Variants in RGS8 observed in about 807,000 individuals in gnomAD.
RGS8 encodes regulator of G protein signaling 8.
Under a neutral mutation model 21.7 loss-of-function variants are expected in RGS8, and 8 were observed. The observed-to-expected ratio is 0.37, with a 90% confidence interval of 0.22 to 0.66. The LOEUF (loss-of-function observed/expected upper bound fraction) is 0.66. RGS8 is among the 30% of genes least tolerant of loss of function. The pLI, the probability that RGS8 is intolerant of heterozygous loss-of-function variation, is 0.59. For synonymous variants in RGS8, 80 were observed against 83.6 expected (o/e 0.96, Z 0.24); for missense variants, 157 against 217.9 (o/e 0.72, Z 1.76).
At chr1:182,750,693 T>G in the RGS8 span, among the ~76,000 whole-genome samples, 1 of 152,198 alleles carries the variant, frequency 6.6e-6, no homozygotes, top group Non-Finnish European at 1.5e-5. Flanking sequence ...CATAAATGCA[T>G]TGAATACCTT....
chr1:182,668,359 A>G (rs1157467093), intron 3 of RGS8, among the ~76,000 whole-genome samples: 1 of 152,208 alleles, frequency 6.6e-6, no homozygotes, highest in African/African-American at 2.4e-5. Context: ...GTCCTAGAAG[A>G]TGCCATTCTG....
the RGS8 span, among the ~76,000 whole-genome samples, chr1:182,739,845 C>G: frequency 6.6e-6 from 1 of 152,156 alleles, no homozygotes; most frequent in Non-Finnish European, 1.5e-5. Context: ...GACCAGAGAG[C>G]TCTGAGTCTT....
rs1664183263 is a variant in RGS8 at position 182,671,922 on chromosome 1, A to G, written c.-251T>C. ...TCTCTGCTTGTCACATCCAGTAAAT[A>G]CTGAAGCAGCCTACACCCAGCGGGC... On this transcript the variant is annotated 5_prime_UTR_variant, in exon 1 of 7. Coordinates refer to ENST00000483095, the Ensembl canonical transcript of RGS8. The G allele has an allele frequency of 2.1e-6, 3 of 1,447,804 alleles. No homozygotes were observed. In the South Asian group the frequency reaches 4.3e-5, roughly 21 times the overall value. The allele number at this position is 1,447,804 out of a possible 1,614,324, so 89.7% of individuals were successfully genotyped here.
chr1:182,745,116 T>C, the RGS8 span, among the ~76,000 whole-genome samples: 1 of 152,214 alleles, frequency 6.6e-6, no homozygotes, highest in African/African-American at 2.4e-5. Context: ...AAAGCTTCCT[T>C]TCAAGAATTT....
the RGS8 span, among the ~76,000 whole-genome samples, chr1:182,731,591 C>T: frequency 6.6e-6 from 1 of 152,218 alleles, no homozygotes; most frequent in African/African-American, 2.4e-5. Flanking sequence ...CAACTAATAT[C>T]ACATTACTTG....
At chr1:182,726,437 G>A in the RGS8 span, among the ~76,000 whole-genome samples, 180 of 152,266 alleles carry the variant, frequency 1.2e-3, no homozygotes, top group African/African-American at 3.9e-3. Context: ...TTGGGAGGCC[G>A]AGGTAGGCAA....
At chr1:182,736,694 T>C in the RGS8 span, among the ~76,000 whole-genome samples, 1 of 152,334 alleles carries the variant, frequency 6.6e-6, no homozygotes, top group South Asian at 2.1e-4. Context: ...TCCCCTACCA[T>C]GCAGTGTGCG....
the RGS8 span, among the ~76,000 whole-genome samples, chr1:182,720,879 GTA>G: frequency 1.1e-3 from 143 of 129,012 alleles, 3 homozygotes; most frequent in African/African-American, 3.0e-3. Context: ...ACACATATAT[GTA>G]TATATATACA....
At chr1:182,710,598 A>C in the RGS8 span, among the ~76,000 whole-genome samples, 1 of 152,152 alleles carries the variant, frequency 6.6e-6, no homozygotes, top group South Asian at 2.1e-4. Flanking sequence ...AAGGCAAACA[A>C]AACAAAAGGC....
At chr1:182,673,893 T>A (rs602956), upstream of RGS8, among the ~76,000 whole-genome samples, 9,338 of 152,264 alleles carry the variant, frequency 0.061, 456 homozygotes, top group East Asian at 0.12. Flanking sequence ...ATAGCTAATG[T>A]TTAATGAGCA....
chr1:182,722,851 G>A, the RGS8 span, among the ~76,000 whole-genome samples: 2 of 151,964 alleles, frequency 1.3e-5, no homozygotes, highest in African/African-American at 2.4e-5. Flanking sequence ...GGTTGCGGGC[G>A]CCTGTAGTCC....
rs77857573 is a variant in RGS8, at chr1:182,663,947, C to T, written c.193+2022G>A. 7.6e-3 allele frequency among the ~76,000 whole-genome samples: 1,159 copies of T among 152,298 alleles called. 19 individuals are homozygous for T. The highest frequency in any genetic ancestry group is 0.027 in the African/African-American group (1,109 of 41,566). ...CAGCCTCTAAAATGCTGGAATTATA[C>T]GTCTGAGCCACTGCACCTGTCAGCT... On this transcript the variant is annotated intron_variant, in intron 5 of 6. Transcript: ENST00000483095.
At chr1:182,665,006 A>T (rs1030095581) in intron 5 of RGS8, among the ~76,000 whole-genome samples, 1 of 152,248 alleles carries the variant, frequency 6.6e-6, no homozygotes, top group Non-Finnish European at 1.5e-5. Flanking sequence ...TCAAGAACGC[A>T]GGTCTGACTC....
intron 1 of RGS8, among the ~76,000 whole-genome samples, chr1:182,683,920 AAAC>A (rs1164653041): frequency 6.6e-6 from 1 of 152,210 alleles, no homozygotes; most frequent in Non-Finnish European, 1.5e-5. Context: ...AACCCATTTA[AAAC>A]AACAGCAGAA....
intron 5 of RGS8, among the ~76,000 whole-genome samples, chr1:182,660,269 T>C (rs1663521748): frequency 6.6e-6 from 1 of 152,172 alleles, no homozygotes; most frequent in African/African-American, 2.4e-5. Context: ...GGTTAAGTAA[T>C]CTGAATACAG....
chr1:182,661,372 G>C (rs1040229797), intron 5 of RGS8, among the ~76,000 whole-genome samples: 13 of 152,042 alleles, frequency 8.6e-5, no homozygotes, highest in African/African-American at 3.1e-4. Flanking sequence ...AATGCCTGGG[G>C]TGAGGTGCTC....
the RGS8 span, among the ~76,000 whole-genome samples, chr1:182,709,998 C>T: frequency 6.6e-6 from 1 of 152,114 alleles, no homozygotes; most frequent in Non-Finnish European, 1.5e-5. Flanking sequence ...ATCATTTTTC[C>T]ATCCTTGTTT....
chr1:182,683,459 T>G (rs1185535027), intron 1 of RGS8, among the ~76,000 whole-genome samples: 1 of 151,938 alleles, frequency 6.6e-6, no homozygotes, highest in African/African-American at 2.4e-5. Flanking sequence ...AACCCAGACT[T>G]CAGGATGGGG....
chr1:182,746,303 T>C, the RGS8 span, among the ~76,000 whole-genome samples: 1 of 152,222 alleles, frequency 6.6e-6, no homozygotes, highest in Non-Finnish European at 1.5e-5. Context: ...CATATATGGC[T>C]AGAATTAATT....
Sources: gnomAD v4.1 joint callset for allele counts (sites outside exome capture counted in the v4.1 genomes callset) on GRCh38, gnomAD v4.1.1 for gene constraint, MANE v1.5 for transcripts, NCBI Gene and HGNC (gene_info 2026-07-23, HGNC 2026-07-21) for gene names.